The following RIMS2 variants were observed in gnomAD, a reference collection of about 807,000 sequenced individuals.
The protein encoded by RIMS2 is regulating synaptic membrane exocytosis 2.
In RIMS2, 59 loss-of-function variants were observed where a neutral mutation model predicts 174.4. The ratio of observed to expected loss-of-function variants is 0.34; its 90% CI spans 0.27 to 0.42. RIMS2 has a LOEUF of 0.42. RIMS2 is among the 10% of genes least tolerant of loss of function. The pLI, the probability that RIMS2 is intolerant of heterozygous loss-of-function variation, is 1.00. For missense variants in RIMS2, 1,620 were observed against 1,666.3 expected (o/e 0.97, Z 0.48); for synonymous variants, 606 against 572.5 (o/e 1.06, Z -0.84).
At chr8:103,622,508 A>C (rs2095660060) in intron 1 of RIMS2, among the ~76,000 whole-genome samples, 1 of 152,172 alleles carries the variant, frequency 6.6e-6, no homozygotes, top group Non-Finnish European at 1.5e-5. Context: ...ATAATTAAAT[A>C]TATGTAACAT....
At chr8:104,234,041 G>C (rs1180613086) in intron 19 of RIMS2, among the ~76,000 whole-genome samples, 1 of 152,090 alleles carries the variant, frequency 6.6e-6, no homozygotes, top group Admixed American at 6.6e-5. Context: ...GGAGATTTAT[G>C]ATAATTTCAT....
chr8:104,125,928 C>T (rs2098425157), intron 19 of RIMS2, among the ~76,000 whole-genome samples: 1 of 152,168 alleles, frequency 6.6e-6, no homozygotes, highest in African/African-American at 2.4e-5. Flanking sequence ...AAGGTCTCTT[C>T]CAATTTTATG....
chr8:103,883,198 T>A (rs1050976754), intron 3 of RIMS2, among the ~76,000 whole-genome samples: 2 of 151,774 alleles, frequency 1.3e-5, no homozygotes, highest in Non-Finnish European at 3.0e-5. Context: ...GTTAAAGTAA[T>A]ATATAAGTTA....
chr8:104,094,644 A>T (rs1286214745), intron 19 of RIMS2: 3 of 702,074 alleles, frequency 4.3e-6, no homozygotes, highest in Non-Finnish European at 7.8e-6. Flanking sequence ...CGAGGAAAAA[A>T]CACAAGATAT....
intron 1 of RIMS2, among the ~76,000 whole-genome samples, chr8:103,675,748 CA>C (rs2096801290): frequency 6.6e-6 from 1 of 150,968 alleles, no homozygotes; most frequent in South Asian, 2.1e-4. Context: ...TTTTTTTTTA[CA>C]AAGTATCAGC....
chr8:103,810,579 A>AATG (rs139494332), intron 3 of RIMS2, among the ~76,000 whole-genome samples: 23,876 of 152,150 alleles, frequency 0.16, 1,962 homozygotes, highest in Middle Eastern at 0.24. Flanking sequence ...TATTGAACCT[A>AATG]ATGTCCTTTA....
chr8:103,532,765 T>C (rs895777958), intron 1 of RIMS2, among the ~76,000 whole-genome samples: 1 of 152,180 alleles, frequency 6.6e-6, no homozygotes, highest in African/African-American at 2.4e-5. Flanking sequence ...GCATTTTGAG[T>C]GCCATGAATA....
intron 23 of RIMS2, among the ~76,000 whole-genome samples, chr8:104,251,381 A>G (rs2099358681): frequency 1.3e-5 from 2 of 152,214 alleles, no homozygotes; most frequent in African/African-American, 4.8e-5. Context: ...CGTAAATTCC[A>G]GTCTCTCTGG....
At chr8:104,171,341 T>C (rs913125349) in intron 19 of RIMS2, among the ~76,000 whole-genome samples, 3 of 152,050 alleles carry the variant, frequency 2.0e-5, no homozygotes, top group Admixed American at 6.6e-5. Flanking sequence ...ATATTTCTAT[T>C]CTTTTTTCTT....
chr8:103,945,490 G>A (rs961880644), intron 14 of RIMS2, among the ~76,000 whole-genome samples: 1 of 151,896 alleles, frequency 6.6e-6, no homozygotes, highest in Non-Finnish European at 1.5e-5. Flanking sequence ...TAAAAGAAAA[G>A]AAAACTACAG....
At chr8:104,173,505 G>A (rs1376782228) in intron 19 of RIMS2, among the ~76,000 whole-genome samples, 1 of 149,820 alleles carries the variant, frequency 6.7e-6, no homozygotes, top group Non-Finnish European at 1.5e-5. Flanking sequence ...TTTTACTATG[G>A]TTTTGATCAT....
chr8:104,050,015 G>A (rs139465039), intron 19 of RIMS2, among the ~76,000 whole-genome samples: 82 of 152,114 alleles, frequency 5.4e-4, no homozygotes, highest in African/African-American at 1.7e-3. Flanking sequence ...TATTAAGATA[G>A]GAATAACATT....
intron 5 of RIMS2, 131 bp from the exon 9 acceptor site, chr8:103,911,922 T>C: frequency 1.6e-6 from 1 of 610,166 alleles, no homozygotes; most frequent in African/African-American, 1.8e-5. Flanking sequence ...AGCTGGTTTG[T>C]GTAATCATAA....
intron 3 of RIMS2, among the ~76,000 whole-genome samples, chr8:103,809,028 A>G (rs2098669145): frequency 1.3e-5 from 2 of 152,188 alleles, no homozygotes; most frequent in South Asian, 4.1e-4. Flanking sequence ...GGATTTGATT[A>G]AAAATCAGAA....
intron 3 of RIMS2, among the ~76,000 whole-genome samples, chr8:103,875,452 T>C (rs1485993818): frequency 6.6e-6 from 1 of 152,044 alleles, no homozygotes; most frequent in Non-Finnish European, 1.5e-5. Flanking sequence ...TCCTTATATT[T>C]TATTGCTGAG....
intron 1 of RIMS2, among the ~76,000 whole-genome samples, chr8:103,592,106 C>A (rs1183486962): frequency 6.6e-6 from 1 of 151,034 alleles, no homozygotes; most frequent in Non-Finnish European, 1.5e-5. Flanking sequence ...GTCATGGGAG[C>A]AGGTGGTGTA....
chr8:103,908,940 A>T (rs916150312), intron 4 of RIMS2, among the ~76,000 whole-genome samples: 2 of 152,180 alleles, frequency 1.3e-5, no homozygotes, highest in African/African-American at 4.8e-5. Context: ...CTGCCTTACC[A>T]GTTTCATTTA....
At chr8:103,728,418 A>G (rs2097549320) in intron 2 of RIMS2, among the ~76,000 whole-genome samples, 1 of 151,950 alleles carries the variant, frequency 6.6e-6, no homozygotes, top group Non-Finnish European at 1.5e-5. Flanking sequence ...AATGCCTTTT[A>G]TCTCTTTTTC....
At chr8:104,014,008 A>T (rs2095836470) in intron 18 of RIMS2, among the ~76,000 whole-genome samples, 1 of 152,172 alleles carries the variant, frequency 6.6e-6, no homozygotes, top group South Asian at 2.1e-4. Flanking sequence ...ATCGATACTA[A>T]TATTATGTAT....
Sources: gnomAD v4.1 joint callset for allele counts (sites outside exome capture counted in the v4.1 genomes callset) on GRCh38, gnomAD v4.1.1 for gene constraint, MANE v1.5 for transcripts, NCBI Gene and HGNC (gene_info 2026-07-23, HGNC 2026-07-21) for gene names.